Variants in SH2D6 observed in about 807,000 individuals in gnomAD.
SH2D6 encodes SH2 domain-containing protein 6.
In SH2D6, 31 loss-of-function variants were observed where a neutral mutation model predicts 30.2. That is an observed-to-expected ratio of 1.03 (90% CI 0.77 to 1.38). The LOEUF (loss-of-function observed/expected upper bound fraction) is 1.38, where lower values mean the gene tolerates loss of function less well. Among genes scored for constraint, SH2D6 ranks in the 40% most tolerant of loss-of-function variants. The pLI is 0.00. For synonymous variants in SH2D6, 93 were observed against 104.6 expected (o/e 0.89, Z 0.68); for missense variants, 240 against 266.8 (o/e 0.90, Z 0.70).
chr2:85,435,311 G>C (rs1689306436), intron 20 of SH2D6, 102 bp from the exon 21 acceptor site: 2 of 1,369,656 alleles, frequency 1.5e-6, no homozygotes, highest in Non-Finnish European at 2.0e-6. Flanking sequence ...ACTCAGTTGA[G>C]CATAGGAGAT....
chr2:85,425,901 C>T (rs1175643741), intron 6 of SH2D6, among the ~76,000 whole-genome samples: 4 of 152,210 alleles, frequency 2.6e-5, no homozygotes, highest in Admixed American at 2.6e-4. Flanking sequence ...GGCACGGGGC[C>T]TCTGGCTGGC....
At chr2:85,428,550 A>G (rs1688258881) in intron 6 of SH2D6, 34 bp from the exon 7 acceptor site, 1 of 152,182 alleles carries the variant, frequency 6.6e-6, no homozygotes, top group African/African-American at 2.4e-5. Flanking sequence ...CTTCATAAGA[A>G]GAAGAGTTAC....
chr2:85,433,609 C>T lies in SH2D6; in HGVS notation c.432C>T (p.Tyr144=). 3 of 1,012,894 alleles carry T rather than the reference C, an allele frequency of 3.0e-6. No homozygotes were observed. Among genetic ancestry groups the T allele is most frequent in the Non-Finnish European group, 3.5e-6 (3 of 846,872 alleles). The allele number at this position is 1,012,894 out of a possible 1,614,324, so 62.7% of individuals were successfully genotyped here. ...GPPKKPDEDL[Y]LECEPDPVLA... is the part of the protein sequence containing the mutation. ...CAAAGAAACCTGATGAGGACCTCTA[C>T]TTGGAATGTGAGCCGGATCCAGGTG... The change falls in exon 16 of 24, where the codon TAC becomes TAT. Residue 144 remains tyrosine (Y), a synonymous_variant. Transcript: ENST00000469800.
intron 5 of SH2D6, among the ~76,000 whole-genome samples, chr2:85,423,535 C>A (rs1011761916): frequency 6.6e-6 from 1 of 152,162 alleles, no homozygotes; most frequent in African/African-American, 2.4e-5. Context: ...ACCTGGCCAA[C>A]AAACTACACA....
intron 4 of SH2D6, 25 bp from the exon 5 acceptor site, chr2:85,422,571 A>C (rs962351237): frequency 6.6e-6 from 1 of 152,332 alleles, no homozygotes. Flanking sequence ...TCCAGGCATC[A>C]AGAAGCATTT....
At position 85,434,791 on chromosome 2, in the gene SH2D6, C is replaced by G. The variant is rs1385553936; in HGVS notation, c.590-274C>G. The G allele has an allele frequency of 2.1e-6, 3 of 1,458,768 alleles. No individual in the cohort carries two copies. In the South Asian group the frequency reaches 4.4e-5, roughly 21 times the overall value. The allele number at this position is 1,458,768 out of a possible 1,614,324, so 90.4% of individuals were successfully genotyped here. On this transcript the variant is annotated intron_variant, in intron 19 of 23. Transcript: ENST00000469800. Reference sequence around the variant, plus strand: ...CTGAGATCAGGCCTGAGGGGACCCTCTTGGGCATTTTCCGGTGCCTGCACC... The same window carrying G: ...CTGAGATCAGGCCTGAGGGGACCCTGTTGGGCATTTTCCGGTGCCTGCACC...
At chr2:85,428,904 G>C (rs1017181685) in intron 7 of SH2D6, among the ~76,000 whole-genome samples, 1 of 152,172 alleles carries the variant, frequency 6.6e-6, no homozygotes, top group South Asian at 2.1e-4. Context: ...TCAACGCCTG[G>C]AACAGCCTCT....
intron 14 of SH2D6, among the ~76,000 whole-genome samples, chr2:85,432,203 G>C (rs1400156579): frequency 6.7e-6 from 1 of 149,892 alleles, no homozygotes; most frequent in Non-Finnish European, 1.5e-5. Flanking sequence ...AGATCACACA[G>C]AAGCAGAGTC....
chr2:85,431,133 TC>T (rs112936645), intron 12 of SH2D6, 76 bp from the exon 13 acceptor site: 41,936 of 146,038 alleles, frequency 0.29, 6,040 homozygotes, highest in Non-Finnish European at 0.32. Context: ...TGGAGGCTGG[TC>T]GGGGGGAGGC....
At position 85,435,694 on chromosome 2, in the gene SH2D6, C is replaced by G; in HGVS notation, c.761C>G (p.Ser254Ter). 2 of 1,612,532 alleles carry G rather than the reference C, an allele frequency of 1.2e-6. No individual in the cohort carries two copies. Among genetic ancestry groups the G allele is most frequent in the South Asian group, 2.2e-5 (2 of 90,924 alleles). ...GGGGCCTATACCGTGCGCCCCAGCT[C>G]AGGGCCTCATGGCTCCCAGCCCTTC... ...KDGAYTVRPSSGPHGSQPFTL... is the reference protein window; with the variant it reads ...KDGAYTVRPS Residue 254 changes from serine to a stop codon, truncating the protein, a stop_gained, in exon 22 of 24, where the codon TCA (serine) becomes TGA (stop). Transcript: ENST00000469800. LOFTEE classifies it high-confidence loss of function.
intron 5 of SH2D6, among the ~76,000 whole-genome samples, chr2:85,423,152 T>G (rs1687804703): frequency 6.6e-6 from 1 of 151,958 alleles, no homozygotes; most frequent in Non-Finnish European, 1.5e-5. Flanking sequence ...CCTCCCAAAG[T>G]GATGGGACTA....
At chr2:85,434,864 AG>A in intron 19 of SH2D6, 200 bp from the exon 20 acceptor site, 1 of 1,517,688 alleles carries the variant, frequency 6.6e-7, no homozygotes, top group Admixed American at 2.2e-5. Context: ...CCTCATTTGG[AG>A]GTCACACGAG....
intron 2 of SH2D6, chr2:85,421,635 G>C (rs1024404367): frequency 6.6e-6 from 1 of 152,242 alleles, no homozygotes; most frequent in Admixed American, 6.5e-5. Flanking sequence ...GCAGTCGAGT[G>C]TGGGAGTTTA....
At chr2:85,429,953 G>A (rs1688417940) in intron 9 of SH2D6, 28 bp from the exon 10 acceptor site, 1 of 152,622 alleles carries the variant, frequency 6.6e-6, no homozygotes, top group South Asian at 2.1e-4. Flanking sequence ...GGGCCCCTTG[G>A]GCAGAGTTGA....
chr2:85,436,374 A>C (rs1202839127), intron 22 of SH2D6, 92 bp from the exon 23 acceptor site: 3 of 905,528 alleles, frequency 3.3e-6, no homozygotes, highest in Admixed American at 4.0e-5. Context: ...AAAATGTCAA[A>C]AGTCCCCTTG....
Position 85,418,725 on chromosome 2 carries a change from C to T in SH2D6, c.-998C>T, listed in dbSNP as rs1363806200. ...GCAGGCAGCGGGCCGTTGGGCGGGG[C>T]CTTGGGTGCTGATCCGGACGCAAAG... On this transcript the variant is annotated 5_prime_UTR_variant, in exon 1 of 24. Coordinates refer to ENST00000469800, the MANE Select transcript of SH2D6 (RefSeq NM_001394463.1). 2 of 152,198 alleles carry T rather than the reference C, an allele frequency of 1.3e-5. No individual in the cohort carries two copies. Among genetic ancestry groups the T allele is most frequent in the African/African-American group, 4.8e-5 (2 of 41,428 alleles). The allele number at this position is 152,198 out of a possible 1,614,324, so 9.4% of individuals were successfully genotyped here. A position where few individuals can be genotyped will look rare whatever the true frequency, so the allele number is the denominator to read the frequency against.
At position 85,435,700 on chromosome 2, in the gene SH2D6, C is replaced by T; in HGVS notation, c.767C>T (p.Pro256Leu). The change falls in exon 22 of 24, where the codon CCT (proline) becomes CTT (leucine). Residue 256 changes from proline to leucine, a missense_variant. Pro to Leu is a moderately conservative substitution (Grantham distance 98). Transcript: ENST00000469800. ...GAYTVRPSSG[P>L]HGSQPFTLAV... ...TATACCGTGCGCCCCAGCTCAGGGCCTCATGGCTCCCAGCCCTTCACCCTG... is the reference window on the plus strand; with the variant it reads ...TATACCGTGCGCCCCAGCTCAGGGCTTCATGGCTCCCAGCCCTTCACCCTG... The T allele has an allele frequency of 2.5e-6, 4 of 1,612,922 alleles. No individual in the cohort carries two copies. Among genetic ancestry groups the T allele is most frequent in the Non-Finnish European group, 1.7e-6 (2 of 1,179,564 alleles).
chr2:85,427,565 A>T (rs1016592513), intron 6 of SH2D6, among the ~76,000 whole-genome samples: 2 of 152,206 alleles, frequency 1.3e-5, no homozygotes, highest in Admixed American at 1.3e-4. Context: ...TGAGGGCAGC[A>T]TGGACTGGGA....
At chr2:85,429,120 A>T (rs527551515) in intron 7 of SH2D6, among the ~76,000 whole-genome samples, 9 of 152,380 alleles carry the variant, frequency 5.9e-5, no homozygotes, top group African/African-American at 2.2e-4. Context: ...TGCTGTTTTT[A>T]ATTGGATCTG....
Sources: allele counts gnomAD v4.1 joint callset (sites outside exome capture counted in the v4.1 genomes callset), GRCh38; gene constraint gnomAD v4.1.1; transcripts MANE v1.5; gene names NCBI Gene and HGNC (gene_info 2026-07-23, HGNC 2026-07-21).